SH3GL3: variants seen among roughly 807,000 people sequenced by gnomAD.
SH3GL3 encodes the protein SH3 domain containing GRB2 like 3, endophilin A3, also known as endophilin-A3.
Under a neutral mutation model 47.7 loss-of-function variants are expected in SH3GL3, and 33 were observed. The ratio of observed to expected loss-of-function variants is 0.69; its 90% confidence interval spans 0.52 to 0.92. The LOEUF is 0.92. SH3GL3 is among the 40% of genes least tolerant of loss of function. The pLI, the probability that SH3GL3 is intolerant of heterozygous loss-of-function variation, is 0.00. For missense variants in SH3GL3, 363 were observed against 417.8 expected, an observed-to-expected ratio of 0.87 and a Z score of 1.14; for synonymous variants, 155 against 148.8, an observed-to-expected ratio of 1.04 and a Z score of -0.30.
At chr15:83,598,439 C>T (rs1441097036) in intron 8 of SH3GL3, among the ~76,000 whole-genome samples, 1 of 152,202 alleles carries the variant, frequency 6.6e-6, no homozygotes, top group East Asian at 1.9e-4. Context: ...GGTCTACCAG[C>T]AGTATTTAGT....
At chr15:83,496,757 G>C (rs2042096904) in intron 1 of SH3GL3, among the ~76,000 whole-genome samples, 1 of 152,168 alleles carries the variant, frequency 6.6e-6, no homozygotes, top group Non-Finnish European at 1.5e-5. Flanking sequence ...CGGTGACTCT[G>C]ACTGTGGACT....
chr15:83,490,958 A>G, intron 1 of SH3GL3: 2 of 1,612,168 alleles, frequency 1.2e-6, no homozygotes, highest in Non-Finnish European at 1.7e-6. Flanking sequence ...GTAAACTTGG[A>G]AAAGCCATTC....
chr15:83,576,172 TAGTC>T (rs2059671326), intron 5 of SH3GL3, among the ~76,000 whole-genome samples: 1 of 152,202 alleles, frequency 6.6e-6, no homozygotes, highest in African/African-American at 2.4e-5. Flanking sequence ...GTCTACTACT[TAGTC>T]AGGAGTTGAC....
intron 1 of SH3GL3, among the ~76,000 whole-genome samples, chr15:83,495,986 C>T (rs1221439115): frequency 1.3e-5 from 2 of 151,410 alleles, no homozygotes; most frequent in Non-Finnish European, 1.5e-5. Context: ...AAAAAAGGAG[C>T]GGGGAGGAGA....
intron 1 of SH3GL3, among the ~76,000 whole-genome samples, chr15:83,520,720 G>A (rs1012966252): frequency 6.6e-6 from 1 of 152,044 alleles, no homozygotes; most frequent in African/African-American, 2.4e-5. Context: ...TCCCTAGAGA[G>A]GAAAAACAAT....
At chr15:83,530,987 A>G (rs2043644928) in intron 1 of SH3GL3, among the ~76,000 whole-genome samples, 1 of 152,182 alleles carries the variant, frequency 6.6e-6, no homozygotes, top group South Asian at 2.1e-4. Flanking sequence ...GCAAAACAAT[A>G]TTATCATGTT....
chr15:83,541,042 G>C (rs377510800), intron 1 of SH3GL3, among the ~76,000 whole-genome samples: 7 of 152,088 alleles, frequency 4.6e-5, no homozygotes, highest in African/African-American at 1.7e-4. Flanking sequence ...TCTGATGTTT[G>C]TCTTTCTGTG....
intron 7 of SH3GL3, 149 bp from the exon 8 acceptor site, chr15:83,588,513 G>A (rs952408251): frequency 2.8e-5 from 17 of 602,680 alleles, no homozygotes; most frequent in Admixed American, 5.5e-5. Context: ...CCATCACTTC[G>A]GGCTACTCAA....
chr15:83,460,538 G>T (rs1420796277), intron 1 of SH3GL3, among the ~76,000 whole-genome samples: 1 of 151,974 alleles, frequency 6.6e-6, no homozygotes, highest in Non-Finnish European at 1.5e-5. Flanking sequence ...GTTTTTCTTT[G>T]CCTTTTCAGT....
intron 8 of SH3GL3, among the ~76,000 whole-genome samples, chr15:83,617,257 T>G (rs576547511): frequency 1.3e-5 from 2 of 152,346 alleles, no homozygotes; most frequent in African/African-American, 4.8e-5. Context: ...TTGTCCTGGT[T>G]TCTCTCCTCC....
At chr15:83,616,508 C>T (rs2060823135) in intron 8 of SH3GL3, among the ~76,000 whole-genome samples, 1 of 152,112 alleles carries the variant, frequency 6.6e-6, no homozygotes, top group African/African-American at 2.4e-5. Context: ...TCCCAAAGTG[C>T]TGGGATTACA....
At chr15:83,547,658 C>T (rs953741194) in intron 1 of SH3GL3, among the ~76,000 whole-genome samples, 12 of 152,096 alleles carry the variant, frequency 7.9e-5, no homozygotes, top group Non-Finnish European at 1.2e-4. Context: ...CTTGCTCTGC[C>T]TCCTCCTCCA....
At chr15:83,470,451 T>G (rs2040780312) in intron 1 of SH3GL3, among the ~76,000 whole-genome samples, 1 of 152,160 alleles carries the variant, frequency 6.6e-6, no homozygotes, top group East Asian at 1.9e-4. Context: ...GGTCTCCAAC[T>G]CCTGACCTCA....
intron 1 of SH3GL3, among the ~76,000 whole-genome samples, chr15:83,457,664 ATTTAT>A (rs897705687): frequency 3.3e-4 from 51 of 152,310 alleles, no homozygotes; most frequent in African/African-American, 1.2e-3. Context: ...ATCCATAATG[ATTTAT>A]TTTTTTCTCT....
chr15:83,450,970 C>G (rs56820916), intron 1 of SH3GL3, among the ~76,000 whole-genome samples: 1 of 113,032 alleles, frequency 8.8e-6, no homozygotes. Flanking sequence ...CCGACCCCAC[C>G]ACAGTCTCCA....
At chr15:83,534,468 A>C (rs749163341) in intron 1 of SH3GL3, among the ~76,000 whole-genome samples, 1 of 152,058 alleles carries the variant, frequency 6.6e-6, no homozygotes, top group African/African-American at 2.4e-5. Context: ...CTTTGTGTCT[A>C]TGTATTTTTA....
the SH3GL3 span, among the ~76,000 whole-genome samples, chr15:83,627,872 G>T: frequency 6.6e-6 from 1 of 152,154 alleles, no homozygotes; most frequent in African/African-American, 2.4e-5. Context: ...ATAAAACAAG[G>T]ATTAGAACAA....
intron 1 of SH3GL3, among the ~76,000 whole-genome samples, chr15:83,464,276 G>A (rs1374955934): frequency 6.6e-6 from 1 of 152,142 alleles, no homozygotes; most frequent in Non-Finnish European, 1.5e-5. Context: ...GGAATCACTA[G>A]CTGTTCCTTC....
At chr15:83,558,953 CTT>C (rs2045105886) in intron 1 of SH3GL3, among the ~76,000 whole-genome samples, 1 of 152,124 alleles carries the variant, frequency 6.6e-6, no homozygotes, top group South Asian at 2.1e-4. Context: ...TGTGTTGACT[CTT>C]TGGGTGAACT....
Sources: gnomAD v4.1 joint callset for allele counts (sites outside exome capture counted in the v4.1 genomes callset) on GRCh38, gnomAD v4.1.1 for gene constraint, MANE v1.5 for transcripts, NCBI Gene and HGNC (gene_info 2026-07-23, HGNC 2026-07-21) for gene names.